The following KCNMA1 variants were observed in gnomAD, a reference collection of about 807,000 sequenced individuals.
KCNMA1 encodes potassium calcium-activated channel subfamily M alpha 1, also known as Calcium-activated potassium channel subunit alpha-1.
In KCNMA1, 29 loss-of-function variants were observed where a neutral mutation model predicts 140.0. The ratio of observed to expected loss-of-function variants is 0.21; its 90% CI spans 0.15 to 0.28. The LOEUF is 0.28. Ranked by LOEUF, KCNMA1 falls within the 10% of genes least tolerant of loss-of-function variation. The pLI is 1.00. For missense variants in KCNMA1, 880 were observed against 1,602.2 expected (o/e 0.55, Z 7.70); for synonymous variants, 612 against 611.9 (o/e 1.00, Z 0.00).
chr10:77,297,902 C>T (rs1273930784), intron 2 of KCNMA1, among the ~76,000 whole-genome samples: 2 of 152,268 alleles, frequency 1.3e-5, no homozygotes, highest in East Asian at 1.9e-4. Context: ...TGATAACTGG[C>T]CCTCAAAGGA....
intron 14 of KCNMA1, among the ~76,000 whole-genome samples, chr10:77,040,301 TAC>T (rs1329599775): frequency 2.6e-5 from 4 of 152,258 alleles, no homozygotes; most frequent in African/African-American, 9.6e-5. Flanking sequence ...TTTGTAAAAG[TAC>T]ACAGTCTTTT....
intron 2 of KCNMA1, among the ~76,000 whole-genome samples, chr10:77,355,956 AC>A (rs906235418): frequency 8.5e-5 from 13 of 152,228 alleles, no homozygotes; most frequent in African/African-American, 2.4e-4. Flanking sequence ...CACAATATCC[AC>A]GTGGGAAACT....
chr10:77,190,973 T>A (rs2098933713), intron 3 of KCNMA1, among the ~76,000 whole-genome samples: 1 of 152,156 alleles, frequency 6.6e-6, no homozygotes, highest in Admixed American at 6.5e-5. Context: ...CTCTTAATTA[T>A]GAACTAGATG....
intron 1 of KCNMA1, among the ~76,000 whole-genome samples, chr10:77,632,940 C>A (rs1027986273): frequency 1.3e-5 from 2 of 152,162 alleles, no homozygotes; most frequent in African/African-American, 2.4e-5. Flanking sequence ...GTCAAAGATG[C>A]CCTGCTAATA....
chr10:77,177,723 C>A (rs2098765365), intron 5 of KCNMA1, among the ~76,000 whole-genome samples: 1 of 152,118 alleles, frequency 6.6e-6, no homozygotes, highest in Admixed American at 6.5e-5. Flanking sequence ...TGAGCCCCAG[C>A]CTCTCACAGA....
At chr10:77,637,039 C>T (rs2093823787) in intron 1 of KCNMA1, 1 of 1,405,220 alleles carries the variant, frequency 7.1e-7, no homozygotes. Flanking sequence ...ATTGAGCGTC[C>T]GCGTCCCGGA....
intron 2 of KCNMA1, among the ~76,000 whole-genome samples, chr10:77,382,447 T>C (rs185442576): frequency 2.4e-4 from 36 of 152,330 alleles, no homozygotes; most frequent in Middle Eastern, 3.4e-3. Flanking sequence ...GAAGAGCCCC[T>C]ATCAGCATCG....
At chr10:77,256,588 A>G (rs921380356) in intron 2 of KCNMA1, among the ~76,000 whole-genome samples, 7 of 152,164 alleles carry the variant, frequency 4.6e-5, no homozygotes, top group Middle Eastern at 3.2e-3. Context: ...AGGCTTAGAG[A>G]ATCGTGCTAG....
At chr10:77,026,116 G>A (rs1207397602) in intron 16 of KCNMA1, among the ~76,000 whole-genome samples, 1 of 151,982 alleles carries the variant, frequency 6.6e-6, no homozygotes, top group Non-Finnish European at 1.5e-5. Context: ...TCTTCAGGGA[G>A]TGCTCTGAGT....
chr10:77,267,724 T>C (rs2063814285), intron 2 of KCNMA1, among the ~76,000 whole-genome samples: 4 of 152,204 alleles, frequency 2.6e-5, no homozygotes, highest in African/African-American at 9.6e-5. Flanking sequence ...ACTGTACATA[T>C]TATTAGCATA....
intron 14 of KCNMA1, among the ~76,000 whole-genome samples, chr10:77,047,281 C>G (rs978273196): frequency 3.3e-5 from 5 of 152,210 alleles, no homozygotes; most frequent in African/African-American, 1.2e-4. Context: ...AGCCAAATCT[C>G]TTACTCCCAG....
chr10:77,265,528 A>G (rs1176312372), intron 2 of KCNMA1, among the ~76,000 whole-genome samples: 1 of 152,226 alleles, frequency 6.6e-6, no homozygotes, highest in Non-Finnish European at 1.5e-5. Flanking sequence ...GGTATGTGCC[A>G]TTTGGACAAA....
intron 3 of KCNMA1, among the ~76,000 whole-genome samples, chr10:77,199,081 C>T (rs1367602102): frequency 1.3e-5 from 2 of 152,150 alleles, no homozygotes; most frequent in Admixed American, 6.5e-5. Context: ...ACACAGGATT[C>T]CTCCCGACAC....
chr10:77,370,982 C>T (rs2094662451), intron 2 of KCNMA1, among the ~76,000 whole-genome samples: 1 of 152,180 alleles, frequency 6.6e-6, no homozygotes. Flanking sequence ...GTCCAGTGCT[C>T]TTTGCACAAC....
intron 3 of KCNMA1, among the ~76,000 whole-genome samples, chr10:77,224,949 A>G (rs2050842594): frequency 6.6e-6 from 1 of 152,204 alleles, no homozygotes; most frequent in African/African-American, 2.4e-5. Context: ...CTTGTCAGAT[A>G]CCATGTGAGA....
At position 77,049,903 on chromosome 10, in the gene KCNMA1, T is replaced by G. The variant is rs145372205; in HGVS notation, c.1750-10266A>C. On this transcript the variant is annotated intron_variant, in intron 14 of 27. Transcript: ENST00000286628. ...GGAAATTTTTCATTACAGAACATCTTGGGCTTCTTAGCAACTGACTTACGG... is the reference window on the plus strand; with the variant it reads ...GGAAATTTTTCATTACAGAACATCTGGGGCTTCTTAGCAACTGACTTACGG... 2.0e-5 allele frequency among the ~76,000 whole-genome samples: 3 copies of G among 152,244 alleles called. No homozygotes were observed. In the East Asian group the frequency reaches 5.8e-4, roughly 29 times the overall value.
intron 2 of KCNMA1, among the ~76,000 whole-genome samples, chr10:77,257,539 A>G (rs1490046729): frequency 6.6e-6 from 1 of 152,186 alleles, no homozygotes; most frequent in Non-Finnish European, 1.5e-5. Context: ...CCAAGGAAAA[A>G]GGAAGAAGAA....
At chr10:76,974,182 T>G in intron 19 of KCNMA1, 1 of 287,956 alleles carries the variant, frequency 3.5e-6, no homozygotes, top group Non-Finnish European at 6.5e-6. Context: ...AATGTCATAT[T>G]CACACTGGAG....
chr10:77,361,594 C>T (rs996474415), intron 2 of KCNMA1, among the ~76,000 whole-genome samples: 3 of 152,220 alleles, frequency 2.0e-5, no homozygotes, highest in African/African-American at 7.2e-5. Flanking sequence ...AAGGAGTTTC[C>T]GCCTAATTGC....
Sources: gnomAD v4.1 joint callset for allele counts (sites outside exome capture counted in the v4.1 genomes callset) on GRCh38, gnomAD v4.1.1 for gene constraint, MANE v1.5 for transcripts, NCBI Gene and HGNC (gene_info 2026-07-23, HGNC 2026-07-21) for gene names.